Variants in MZF1 observed in about 807,000 individuals in gnomAD.
MZF1 encodes zinc finger and SCAN domain-containing protein 6.
MZF1 carries 24 observed loss-of-function variants against 28.6 expected under a neutral mutation model. That is an observed-to-expected ratio of 0.84 (90% confidence interval 0.61 to 1.18). MZF1 has a LOEUF of 1.18. MZF1 is among the 50% of genes most tolerant of loss of function. MZF1 has a pLI of 0.00. For synonymous variants in MZF1, 516 were observed against 432.5 expected, an observed-to-expected ratio of 1.19 and a Z score of -2.40; for missense variants, 1,166 against 1,026.4, an observed-to-expected ratio of 1.14 and a Z score of -1.86.
At chr19:58,572,520 C>G in intron 1 of MZF1, 1 of 1,284,816 alleles carries the variant, frequency 7.8e-7, no homozygotes, top group Non-Finnish European at 1.0e-6. Context: ...CCTTCGAGAA[C>G]TTGTTTCCCC....
chr19:58,565,826 CGGGCCCA>C, intron 5 of MZF1, among the ~76,000 whole-genome samples: 1 of 146,448 alleles, frequency 6.8e-6, no homozygotes, highest in African/African-American at 2.5e-5. Flanking sequence ...CGTGCCGCGC[CGGGCCCA>C]TGTGTGTTTT....
chr19:58,570,519 G>A lies in MZF1; in HGVS notation c.405C>T (p.Val135=). The A allele has an allele frequency of 6.2e-7, 1 of 1,612,456 alleles. No individual in the cohort carries two copies. The highest frequency in any genetic ancestry group is 8.5e-7 in the Non-Finnish European group (1 of 1,179,166). ...ATAGGACCTCCTGGCCCTGCACCTG[G>A]ACTGTGACCTGGGGAGGTGCCCCCA... is the stretch of plus-strand genomic sequence containing the variant. ...EPGGPRRWVT[V]QVQGQEVLSE... is the part of the protein sequence containing the mutation. Residue 135 remains valine, a synonymous_variant, in exon 3 of 6, where the codon GTC becomes GTT. Transcript: ENST00000215057.
rs1409786573 is a variant in MZF1, at chr19:58,563,083, G to T, written c.1194C>A (p.His398Gln). ...ECGRSFSRSS[H>Q]LLRHQLTHTE... ...TGTGCGTAAGCTGGTGGCGCAGCAGGTGCGAGCTGCGGCTGAAGCTGCGGC... is the reference window on the plus strand; with the variant it reads ...TGTGCGTAAGCTGGTGGCGCAGCAGTTGCGAGCTGCGGCTGAAGCTGCGGC... The change falls in exon 6 of 6, where the codon CAC (histidine) becomes CAA (glutamine). Residue 398 changes from histidine (H) to glutamine (Q), a missense_variant. By Grantham distance (24) the His-to-Gln change is conservative. Transcript: ENST00000215057. 1.2e-6 allele frequency: 2 copies of T among 1,604,092 alleles called. No individual in the cohort carries two copies. The highest frequency in any genetic ancestry group is 1.7e-4 in the Middle Eastern group (1 of 5,994).
chr19:58,563,324 G>C lies in MZF1; in HGVS notation c.953C>G (p.Thr318Arg), dbSNP rs746176499. ...CACACCCCGGCAGGGATCCTCGTCC[G>C]TGGGGTCCTGTTCACTCCTCAGATC... ...PSDLRSEQDP[T>R]DEDPCRGVGP... The change falls in exon 6 of 6, where the codon ACG (threonine) becomes AGG (arginine). Residue 318 changes from threonine to arginine, a missense_variant. Coordinates refer to ENST00000215057, the MANE Select transcript of MZF1 (RefSeq NM_198055.2). 4 of 1,608,834 alleles carry C rather than the reference G, an allele frequency of 2.5e-6. No individual in the cohort carries two copies. The highest frequency in any genetic ancestry group is 3.4e-6 in the Non-Finnish European group (4 of 1,178,094).
At position 58,571,353 on chromosome 19, in the gene MZF1, G is replaced by T. The variant is rs1208202595; in HGVS notation, c.37C>A (p.Pro13Thr). Residue 13 changes from proline (P) to threonine (T), a missense_variant, in exon 2 of 6, where the codon CCC (proline) becomes ACC (threonine). By Grantham distance (38) the Pro-to-Thr change is conservative. Coordinates refer to ENST00000215057, the MANE Select transcript of MZF1 (RefSeq NM_198055.2). Reference sequence around the variant, plus strand: ...ATGACAGGCCCCTCATCTTCTGGGGGTGCTCGGTCTGGGGAGCCCAGCACC... The same window carrying T: ...ATGACAGGCCCCTCATCTTCTGGGGTTGCTCGGTCTGGGGAGCCCAGCACC... The part of the protein sequence containing the change: ...PAVLGSPDRA[P>T]PEDEGPVMVK... The T allele has an allele frequency of 6.2e-7, 1 of 1,614,190 alleles. No individual in the cohort carries two copies. The highest frequency in any genetic ancestry group is 1.1e-5 in the South Asian group (1 of 91,084).
chr19:58,573,571 T>C (rs1168029254), upstream of MZF1: 1 of 152,350 alleles, frequency 6.6e-6, no homozygotes, highest in African/African-American at 2.4e-5. Context: ...CGTGTGTACG[T>C]GCGCGCGCGG....
rs576433030 is a variant in MZF1, at chr19:58,570,899, G to C, written c.396+95C>G. 360 of 1,374,044 alleles carry C rather than the reference G, an allele frequency of 2.6e-4. 2 individuals are homozygous for C. In the African/African-American group the frequency reaches 4.5e-3, roughly 17 times the overall value. The allele number at this position is 1,374,044 out of a possible 1,614,324, so 85.1% of individuals were successfully genotyped here. A position where few individuals can be genotyped will look rare whatever the true frequency, so the allele number is the denominator to read the frequency against. ...AGGTGGCCACTTCTGTACCACAAGG[G>C]AGAACGTGTGTCTGGCAAAGCGTGG... is the stretch of plus-strand genomic sequence containing the variant. On this transcript the variant is annotated intron_variant, in intron 2 of 5. Coordinates refer to ENST00000215057, the MANE Select transcript of MZF1 (RefSeq NM_198055.2).
intron 3 of MZF1, chr19:58,569,901 G>C (rs1163909875): frequency 2.9e-6 from 1 of 341,310 alleles, no homozygotes; most frequent in African/African-American, 2.1e-5. Flanking sequence ...GGAATGGCAG[G>C]GTGTGAGCAG....
chr19:58,565,939 G>A (rs1229778615), intron 5 of MZF1, among the ~76,000 whole-genome samples: 1 of 146,530 alleles, frequency 6.8e-6, no homozygotes, highest in Non-Finnish European at 1.5e-5. Context: ...AGGAGATCGA[G>A]ACCATCCTGG....
intron 5 of MZF1, among the ~76,000 whole-genome samples, chr19:58,566,391 G>A (rs2054057721): frequency 6.6e-6 from 1 of 151,954 alleles, no homozygotes; most frequent in African/African-American, 2.4e-5. Context: ...AGGTTGCAGT[G>A]AGCCGAGATC....
In MZF1 at chr19:58,570,335, T is replaced by C. The variant is rs768584980; in HGVS notation, c.580+9A>G. On this transcript the variant is annotated intron_variant, in intron 3 of 5. Coordinates refer to ENST00000215057, the MANE Select transcript of MZF1 (RefSeq NM_198055.2). ...AGACCTTAGGCGCGCCCACCGTGCA[T>C]GCCCTCACCTGAGTCCTCTGTAACC... is the stretch of plus-strand genomic sequence containing the variant. 7 of 1,605,676 alleles carry C rather than the reference T, an allele frequency of 4.4e-6. No individual in the cohort carries two copies. In the African/African-American group the frequency reaches 9.4e-5, roughly 22 times the overall value.
chr19:58,563,585 G>A (rs889225529), intron 5 of MZF1, 81 bp from the exon 6 acceptor site: 6 of 1,190,908 alleles, frequency 5.0e-6, no homozygotes, highest in South Asian at 1.6e-5. Flanking sequence ...GACACAGTGT[G>A]AACTACAGGG....
chr19:58,572,718 C>T, intron 1 of MZF1: 1 of 971,508 alleles, frequency 1.0e-6, no homozygotes, highest in Non-Finnish European at 1.4e-6. Flanking sequence ...CAACCTGAAA[C>T]CCTGGGAGAG....
chr19:58,573,097 G>C lies in MZF1; in HGVS notation c.-83C>G, dbSNP rs1056885509. 1 of 154,750 alleles carries C rather than the reference G, an allele frequency of 6.5e-6. No homozygotes were observed. Among genetic ancestry groups the C allele is most frequent in the Non-Finnish European group, 1.5e-5 (1 of 68,864 alleles). The allele number at this position is 154,750 out of a possible 1,614,324, so 9.6% of individuals were successfully genotyped here. A position where few individuals can be genotyped will look rare whatever the true frequency, so the allele number is the denominator to read the frequency against. On this transcript the variant is annotated 5_prime_UTR_variant, in exon 1 of 6. Coordinates refer to ENST00000215057, the MANE Select transcript of MZF1 (RefSeq NM_198055.2). ...CGCTCCGCGCTCCTGAGCACGCGCAGTCTTCGACTTCCCCCTCCCGCTGGA... is the reference window on the plus strand; with the variant it reads ...CGCTCCGCGCTCCTGAGCACGCGCACTCTTCGACTTCCCCCTCCCGCTGGA...
intron 1 of MZF1, chr19:58,571,682 CT>C (rs11396129): frequency 5.3e-6 from 2 of 376,176 alleles, no homozygotes; most frequent in Non-Finnish European, 9.6e-6. Context: ...CAAACACAGG[CT>C]TTTTTTTCTT....
In MZF1 at chr19:58,572,521, T is replaced by C. The variant is rs115705511; in HGVS notation, c.-41+534A>G. 1,887 of 1,285,726 alleles carry C rather than the reference T, an allele frequency of 1.5e-3. 30 individuals carry two copies. The African/African-American group carries it at 0.026, about 18-fold the overall frequency. The allele number at this position is 1,285,726 out of a possible 1,614,324, so 79.6% of individuals were successfully genotyped here. A position where few individuals can be genotyped will look rare whatever the true frequency, so the allele number is the denominator to read the frequency against. On this transcript the variant is annotated intron_variant, in intron 1 of 5. Coordinates refer to ENST00000215057, the MANE Select transcript of MZF1 (RefSeq NM_198055.2). ...TTCAGATCACTGTGCCTTCGAGAAC[T>C]TGTTTCCCCATTTGCAAGTGGGGCT...
chr19:58,571,398 C>G lies in MZF1; in HGVS notation c.-9G>C, dbSNP rs768477950. 3 of 1,613,452 alleles carry G rather than the reference C, an allele frequency of 1.9e-6. No homozygotes were observed. Among genetic ancestry groups the G allele is most frequent in the African/African-American group, 2.7e-5 (2 of 74,888 alleles). On this transcript the variant is annotated 5_prime_UTR_variant, in exon 2 of 6. Coordinates refer to ENST00000215057, the MANE Select transcript of MZF1 (RefSeq NM_198055.2). ...AGCACCGCAGGCCTCATAGAGGGTA[C>G]CAGGTCAGGTATCTGAGGCCAGTGT...
rs2054134982 is a variant in MZF1, at chr19:58,570,343, CCTGAGTCCTCTGTAACCT to C, written c.563_580del (p.Glu188_Ser193del). On this transcript the variant is annotated inframe_deletion and splice_region_variant, in exon 3 of 6. Coordinates refer to ENST00000215057, the MANE Select transcript of MZF1 (RefSeq NM_198055.2). The stretch of plus-strand genomic sequence containing the variant: ...GGCGCGCCCACCGTGCATGCCCTCA[CCTGAGTCCTCTGTAACCT>C]CTGACTCCTCTTTCACCTGCAGGCC... 4.3e-6 allele frequency: 7 copies of C among 1,610,640 alleles called. No homozygotes were observed. Among genetic ancestry groups the C allele is most frequent in the Non-Finnish European group, 5.9e-6 (7 of 1,177,826 alleles).
chr19:58,572,193 C>T (rs1234316916), intron 1 of MZF1, among the ~76,000 whole-genome samples: 1 of 152,080 alleles, frequency 6.6e-6, no homozygotes, highest in East Asian at 1.9e-4. Context: ...TTCGATGTGG[C>T]TCCTCATTTG....
Sources: allele counts gnomAD v4.1 joint callset (sites outside exome capture counted in the v4.1 genomes callset), GRCh38; gene constraint gnomAD v4.1.1; transcripts MANE v1.5; gene names NCBI Gene and HGNC (gene_info 2026-07-23, HGNC 2026-07-21).